The following PDE4D variants were observed in gnomAD, a reference collection of about 807,000 sequenced individuals.
The protein encoded by PDE4D is 3',5'-cyclic-AMP phosphodiesterase 4D.
In PDE4D, 24 loss-of-function variants were observed where a neutral mutation model predicts 87.4. That is an observed-to-expected ratio of 0.27 (90% CI 0.20 to 0.39). The LOEUF is 0.39. Among genes scored for constraint, PDE4D ranks in the 10% least tolerant of loss-of-function variants. The pLI is 1.00. For synonymous variants in PDE4D, 384 were observed against 383.2 expected, an observed-to-expected ratio of 1.00 and a Z score of -0.02; for missense variants, 714 against 1,041.0, an observed-to-expected ratio of 0.69 and a Z score of 4.32.
chr5:59,538,454 C>T (rs1815670525), intron 1 of PDE4D, among the ~76,000 whole-genome samples: 1 of 152,192 alleles, frequency 6.6e-6, no homozygotes, highest in Non-Finnish European at 1.5e-5. Context: ...GCCTACTGTT[C>T]TTCTAGTTGT....
At chr5:59,212,368 G>A (rs1265298101) in intron 2 of PDE4D, among the ~76,000 whole-genome samples, 1 of 151,964 alleles carries the variant, frequency 6.6e-6, no homozygotes, top group Non-Finnish European at 1.5e-5. Context: ...GGTATCAAAG[G>A]AATATCTTAC....
intron 5 of PDE4D, among the ~76,000 whole-genome samples, chr5:59,079,030 A>C (rs1766203547): frequency 1.3e-5 from 2 of 152,246 alleles, no homozygotes; most frequent in South Asian, 4.1e-4. Context: ...CCTTGATTTT[A>C]GATTTCCCAG....
upstream of PDE4D, among the ~76,000 whole-genome samples, chr5:59,894,315 G>A (rs946189014): frequency 6.6e-6 from 1 of 152,198 alleles, no homozygotes; most frequent in Non-Finnish European, 1.5e-5. Flanking sequence ...TTGACGATGA[G>A]CCCCATGCTG....
At chr5:59,118,001 G>A (rs926329574) in intron 5 of PDE4D, among the ~76,000 whole-genome samples, 4 of 152,158 alleles carry the variant, frequency 2.6e-5, no homozygotes, top group African/African-American at 9.7e-5. Context: ...CTCTCAAGGA[G>A]TTAAATTCCA....
intron 5 of PDE4D, among the ~76,000 whole-genome samples, chr5:59,135,994 T>C (rs1037587501): frequency 1.3e-5 from 2 of 150,910 alleles, no homozygotes; most frequent in Non-Finnish European, 2.9e-5. Flanking sequence ...AAGGATGAAT[T>C]TGACTACTCA....
chr5:60,323,667 T>A (rs550430293), intron 1 of PDE4D, among the ~76,000 whole-genome samples: 18 of 152,190 alleles, frequency 1.2e-4, no homozygotes, highest in Non-Finnish European at 2.5e-4. Flanking sequence ...TTTCCTTTGT[T>A]CTTGGGATTA....
At chr5:60,495,331 G>A (rs558264144) in intron 1 of PDE4D, among the ~76,000 whole-genome samples, 4 of 152,308 alleles carry the variant, frequency 2.6e-5, no homozygotes, top group East Asian at 3.9e-4. Flanking sequence ...AGTGGCTCTC[G>A]AATGTCATGT....
chr5:59,875,666 T>A (rs953116286), intron 1 of PDE4D, among the ~76,000 whole-genome samples: 1 of 151,926 alleles, frequency 6.6e-6, no homozygotes, highest in African/African-American at 2.4e-5. Context: ...CATCATATTT[T>A]CCTAGTAACT....
intron 1 of PDE4D, among the ~76,000 whole-genome samples, chr5:59,497,219 A>G (rs543003021): frequency 6.6e-6 from 1 of 152,270 alleles, no homozygotes; most frequent in East Asian, 1.9e-4. Context: ...AAAAGAAAAG[A>G]AAAAAGCATC....
At chr5:60,049,436 G>A (rs1204567859) in intron 2 of PDE4D, among the ~76,000 whole-genome samples, 1 of 152,198 alleles carries the variant, frequency 6.6e-6, no homozygotes, top group East Asian at 1.9e-4. Context: ...GACGAGGAGA[G>A]GCACTCTGCT....
intron 1 of PDE4D, among the ~76,000 whole-genome samples, chr5:60,266,717 G>T (rs1018601634): frequency 3.4e-4 from 52 of 152,328 alleles, no homozygotes; most frequent in Non-Finnish European, 6.9e-4. Flanking sequence ...TAAGTTTCAA[G>T]AGTTTATTTC....
intron 5 of PDE4D, among the ~76,000 whole-genome samples, chr5:59,166,835 G>A (rs1188525211): frequency 6.6e-6 from 1 of 152,146 alleles, no homozygotes; most frequent in Non-Finnish European, 1.5e-5. Flanking sequence ...TGGTATGTGT[G>A]TGTCTTATAT....
chr5:59,983,164 T>C (rs546088331), intron 3 of PDE4D, among the ~76,000 whole-genome samples: 41 of 152,248 alleles, frequency 2.7e-4, no homozygotes, highest in African/African-American at 8.9e-4. Context: ...ACCATAAGCA[T>C]GCTGTTGCTT....
chr5:59,256,101 C>T (rs1760920909), intron 1 of PDE4D, among the ~76,000 whole-genome samples: 1 of 151,978 alleles, frequency 6.6e-6, no homozygotes, highest in African/African-American at 2.4e-5. Context: ...ACAAGAAATC[C>T]TTAAAGTAAT....
intron 3 of PDE4D, among the ~76,000 whole-genome samples, chr5:59,936,864 G>A (rs977417): frequency 0.38 from 57,975 of 152,012 alleles, 12,856 homozygotes; most frequent in East Asian, 0.77. Flanking sequence ...ATAAAGATAA[G>A]AATGGCTTAG....
intron 1 of PDE4D, among the ~76,000 whole-genome samples, chr5:60,263,782 T>C (rs905839152): frequency 8.5e-5 from 13 of 152,084 alleles, no homozygotes; most frequent in Non-Finnish European, 1.9e-4. Context: ...TAAACACCTA[T>C]TATGAGCAGA....
chr5:59,251,658 A>G (rs192697182), intron 1 of PDE4D, among the ~76,000 whole-genome samples: 15 of 152,254 alleles, frequency 9.9e-5, no homozygotes, highest in African/African-American at 3.4e-4. Flanking sequence ...CCGTTTGACC[A>G]TGCAATCCTA....
chr5:59,125,107 CA>C (rs1401810647), intron 5 of PDE4D: 1 of 188,672 alleles, frequency 5.3e-6, no homozygotes, highest in Non-Finnish European at 9.8e-6. Context: ...TTTGTGTAAC[CA>C]AAACCACAGT....
intron 1 of PDE4D, among the ~76,000 whole-genome samples, chr5:59,511,932 T>A (rs1810347451): frequency 6.6e-6 from 1 of 152,108 alleles, no homozygotes; most frequent in South Asian, 2.1e-4. Flanking sequence ...ACCATTCTAA[T>A]GAGGCTTTTA....
Sources: gnomAD v4.1 joint callset for allele counts (sites outside exome capture counted in the v4.1 genomes callset) on GRCh38, gnomAD v4.1.1 for gene constraint, MANE v1.5 for transcripts, NCBI Gene and HGNC (gene_info 2026-07-23, HGNC 2026-07-21) for gene names.